FBXO15: variants seen among roughly 807,000 people sequenced by gnomAD.
FBXO15 encodes F-box only protein 15.
Under a neutral mutation model 49.5 loss-of-function variants are expected in FBXO15, and 30 were observed. The ratio of observed to expected loss-of-function variants is 0.61; its 90% CI spans 0.45 to 0.82. FBXO15 has a LOEUF of 0.82. Ranked by LOEUF, FBXO15 falls within the 40% of genes least tolerant of loss-of-function variation. FBXO15 has a pLI of 0.00. For missense variants in FBXO15, 591 were observed against 631.5 expected (o/e 0.94, Z 0.69); for synonymous variants, 250 against 232.7 (o/e 1.07, Z -0.68).
At chr18:74,082,093 C>T (rs1266626664) in intron 8 of FBXO15, 42 bp from the exon 9 acceptor site, 2 of 1,596,368 alleles carry the variant, frequency 1.3e-6, no homozygotes, top group Non-Finnish European at 1.7e-6. Flanking sequence ...TCTTCCAGTG[C>T]AAGATGACAA....
chr18:74,105,518 C>T (rs1272309057), intron 8 of FBXO15, among the ~76,000 whole-genome samples: 2 of 152,074 alleles, frequency 1.3e-5, no homozygotes, highest in African/African-American at 2.4e-5. Context: ...TGGCTCACTG[C>T]AACCTCTGCC....
intron 8 of FBXO15, among the ~76,000 whole-genome samples, chr18:74,086,878 G>A (rs1450429140): frequency 6.6e-6 from 1 of 152,156 alleles, no homozygotes; most frequent in South Asian, 2.1e-4. Context: ...CTACATAAAA[G>A]CATTTCTCCA....
At chr18:74,121,526 C>A (rs1047921658) in intron 8 of FBXO15, among the ~76,000 whole-genome samples, 7 of 152,232 alleles carry the variant, frequency 4.6e-5, no homozygotes, top group African/African-American at 1.7e-4. Context: ...TGTTACTATA[C>A]CTCAGGTTAA....
chr18:74,134,858 A>C (rs4595880), intron 3 of FBXO15, among the ~76,000 whole-genome samples: 40,500 of 151,830 alleles, frequency 0.27, 8,004 homozygotes, highest in African/African-American at 0.55. Flanking sequence ...GACAGCTCTC[A>C]TTCTGCCACT....
Position 74,135,747 on chromosome 18 carries a change from T to C in FBXO15, c.332+15A>G. On this transcript the variant is annotated intron_variant, in intron 3 of 9. Coordinates refer to ENST00000419743, the MANE Select transcript of FBXO15 (RefSeq NM_001142958.2). Reference sequence around the variant, plus strand: ...CTGTCATCAAAACATAACAGAGACTTGGATTTCTGCTTACTTGTCATTGGC... The same window carrying C: ...CTGTCATCAAAACATAACAGAGACTCGGATTTCTGCTTACTTGTCATTGGC... 2 of 1,581,770 alleles carry C rather than the reference T, an allele frequency of 1.3e-6. No homozygotes were observed. Among genetic ancestry groups the C allele is most frequent in the Non-Finnish European group, 8.6e-7 (1 of 1,167,538 alleles).
chr18:74,105,411 C>A (rs1007278972), intron 8 of FBXO15, among the ~76,000 whole-genome samples: 1 of 151,996 alleles, frequency 6.6e-6, no homozygotes, highest in African/African-American at 2.4e-5. Context: ...ATATGTACAT[C>A]TATTAGGCAT....
chr18:74,091,394 T>C (rs1201544641), intron 8 of FBXO15, among the ~76,000 whole-genome samples: 1 of 151,062 alleles, frequency 6.6e-6, no homozygotes, highest in Admixed American at 6.7e-5. Flanking sequence ...CCTGATTATA[T>C]TCAAGATTTG....
chr18:74,079,255 A>G (rs1240809916), intron 9 of FBXO15, among the ~76,000 whole-genome samples: 1 of 152,240 alleles, frequency 6.6e-6, no homozygotes, highest in East Asian at 1.9e-4. Context: ...ACAGAGCAGG[A>G]GAGTATTTCA....
intron 8 of FBXO15, among the ~76,000 whole-genome samples, chr18:74,114,722 G>T (rs62097018): frequency 0.087 from 13,295 of 152,156 alleles, 819 homozygotes; most frequent in Admixed American, 0.2. Flanking sequence ...CAAAGAAGCA[G>T]GTAACAATAT....
At chr18:74,132,635 A>G (rs553062142) in intron 3 of FBXO15, among the ~76,000 whole-genome samples, 1 of 152,340 alleles carries the variant, frequency 6.6e-6, no homozygotes, top group South Asian at 2.1e-4. Context: ...TACCTTTCAC[A>G]GTCTCCAAAC....
chr18:74,113,013 T>C (rs1914097330), intron 8 of FBXO15, among the ~76,000 whole-genome samples: 1 of 152,238 alleles, frequency 6.6e-6, no homozygotes, highest in African/African-American at 2.4e-5. Flanking sequence ...TGGATGCTTA[T>C]AGCAGCTTTA....
rs761790814 is a variant in FBXO15, at chr18:74,147,763, A to T, written c.23T>A (p.Ile8Asn). 293 of 1,535,046 alleles carry T rather than the reference A, an allele frequency of 1.9e-4. No individual in the cohort carries two copies. The highest frequency in any genetic ancestry group is 2.4e-4 in the Non-Finnish European group (279 of 1,142,532). MATGRGR[I>N]LQQHWLGLQT... ...GAGGCCGAGCCAGTGCTGCTGCAAG[A>T]TCCGACCGCGTCCAGTCGCCATAGA... Residue 8 changes from isoleucine to asparagine, a missense_variant, in exon 1 of 10, where the codon ATC becomes AAC. Transcript: ENST00000419743.
At chr18:74,109,648 C>T (rs962818745) in intron 8 of FBXO15, among the ~76,000 whole-genome samples, 2 of 152,190 alleles carry the variant, frequency 1.3e-5, no homozygotes, top group African/African-American at 4.8e-5. Context: ...ACTATGCAGC[C>T]ATAAAAAAGG....
At chr18:74,082,074 C>T (rs374827123) in intron 8 of FBXO15, 23 bp from the exon 9 acceptor site, 17 of 1,605,078 alleles carry the variant, frequency 1.1e-5, no homozygotes, top group Non-Finnish European at 1.4e-5. Context: ...AAGATTGTTT[C>T]AATCACTGTC....
At chr18:74,109,751 T>C (rs1000717618) in intron 8 of FBXO15, among the ~76,000 whole-genome samples, 7 of 152,064 alleles carry the variant, frequency 4.6e-5, no homozygotes, top group Admixed American at 1.3e-4. Context: ...ACACTGCATG[T>C]TCTCACTCGT....
intron 8 of FBXO15, among the ~76,000 whole-genome samples, chr18:74,088,606 C>G (rs1912859891): frequency 6.6e-6 from 1 of 152,160 alleles, no homozygotes; most frequent in Non-Finnish European, 1.5e-5. Flanking sequence ...GCTACTGTAG[C>G]CTTGTAATAT....
At chr18:74,111,288 A>G (rs112519416) in intron 8 of FBXO15, among the ~76,000 whole-genome samples, 1 of 151,668 alleles carries the variant, frequency 6.6e-6, no homozygotes, top group African/African-American at 2.4e-5. Flanking sequence ...AGAAAAAAAA[A>G]CATAAAACAC....
intron 8 of FBXO15, among the ~76,000 whole-genome samples, chr18:74,089,096 C>T (rs1912893687): frequency 6.6e-6 from 1 of 152,166 alleles, no homozygotes; most frequent in Admixed American, 6.5e-5. Flanking sequence ...TTAAGCCCCA[C>T]ATGCCTTAGC....
intron 2 of FBXO15, among the ~76,000 whole-genome samples, chr18:74,138,542 C>T (rs921443159): frequency 2.0e-5 from 3 of 152,076 alleles, no homozygotes; most frequent in South Asian, 4.1e-4. Flanking sequence ...GCTCCTGAGT[C>T]GCCTTTGCCT....
Sources: allele counts gnomAD v4.1 joint callset (sites outside exome capture counted in the v4.1 genomes callset), GRCh38; gene constraint gnomAD v4.1.1; transcripts MANE v1.5; gene names NCBI Gene and HGNC (gene_info 2026-07-23, HGNC 2026-07-21).